Variants in CFAP54 observed in about 807,000 individuals in gnomAD.
CFAP54 encodes the protein cilia- and flagella-associated protein 54.
Under a neutral mutation model 370.4 loss-of-function variants are expected in CFAP54, and 290 were observed. The observed-to-expected ratio is 0.78, with a 90% CI of 0.71 to 0.86. The LOEUF (loss-of-function observed/expected upper bound fraction) is 0.86. CFAP54 is among the 40% of genes least tolerant of loss of function. The pLI, the probability that CFAP54 is intolerant of heterozygous loss-of-function variation, is 0.00. For synonymous variants in CFAP54, 1,206 were observed against 1,236.5 expected, an observed-to-expected ratio of 0.98 and a Z score of 0.52; for missense variants, 3,399 against 3,528.7, an observed-to-expected ratio of 0.96 and a Z score of 0.93.
intron 66 of CFAP54, among the ~76,000 whole-genome samples, chr12:96,855,561 A>C (rs1057246869): frequency 2.0e-5 from 3 of 152,232 alleles, no homozygotes; most frequent in Non-Finnish European, 2.9e-5. Flanking sequence ...GCCCCATGCA[A>C]GTCCAAAATC....
intron 8 of CFAP54, among the ~76,000 whole-genome samples, chr12:96,523,376 ACT>A (rs1260945305): frequency 6.6e-6 from 1 of 152,076 alleles, no homozygotes; most frequent in East Asian, 1.9e-4. Flanking sequence ...AATCACTGCT[ACT>A]CTCTTTCCTC....
At chr12:96,812,545 A>C (rs1958938098) in intron 64 of CFAP54, among the ~76,000 whole-genome samples, 1 of 152,188 alleles carries the variant, frequency 6.6e-6, no homozygotes, top group South Asian at 2.1e-4. Context: ...TGTAGGATGG[A>C]AATGATCATA....
chr12:96,862,371 G>T (rs1196765019), intron 67 of CFAP54, among the ~76,000 whole-genome samples: 2 of 152,162 alleles, frequency 1.3e-5, no homozygotes, highest in Non-Finnish European at 2.9e-5. Flanking sequence ...CCTGGAGTGT[G>T]CACAGTCATG....
At chr12:96,728,792 C>T (rs1957877571) in intron 50 of CFAP54, among the ~76,000 whole-genome samples, 1 of 152,064 alleles carries the variant, frequency 6.6e-6, no homozygotes, top group South Asian at 2.1e-4. Flanking sequence ...TCTGTTTTTT[C>T]CCCATCTTTA....
At chr12:96,583,813 C>T (rs1329069000) in intron 22 of CFAP54, among the ~76,000 whole-genome samples, 2 of 152,180 alleles carry the variant, frequency 1.3e-5, no homozygotes, top group African/African-American at 4.8e-5. Flanking sequence ...TGTGCCAAGT[C>T]TCCTAGAGCC....
At chr12:96,670,525 A>G (rs1174669188) in intron 39 of CFAP54, among the ~76,000 whole-genome samples, 1 of 152,220 alleles carries the variant, frequency 6.6e-6, no homozygotes, top group Non-Finnish European at 1.5e-5. Flanking sequence ...CCTAACTTCA[A>G]AAGGGGTAGA....
rs1435435419 is a variant in CFAP54, at chr12:96,753,881, A to T, written c.7823A>T (p.Glu2608Val). 6.2e-7 allele frequency: 1 copy of T among 1,613,788 alleles called. No individual in the cohort carries two copies. Among genetic ancestry groups the T allele is most frequent in the South Asian group, 1.1e-5 (1 of 91,018 alleles). ...TAVEEHEVEA[E>V]ILFQKGKIER... ...GTGGAGGAACATGAGGTGGAAGCTG[A>T]AATCCTTTTTCAGAAAGGTAAAATG... Residue 2608 changes from glutamate (E) to valine (V), a missense_variant, in exon 56 of 68, where the codon GAA becomes GTA. This residue lies in a region of CFAP54 where 2,796 missense variants were observed against 2,869.7 expected (regional missense o/e 0.97). Coordinates refer to ENST00000524981, the MANE Select transcript of CFAP54 (RefSeq NM_001306084.2).
intron 60 of CFAP54, among the ~76,000 whole-genome samples, chr12:96,782,920 T>A (rs1565976618): frequency 6.6e-6 from 1 of 152,166 alleles, no homozygotes; most frequent in Non-Finnish European, 1.5e-5. Context: ...AGAAATCACA[T>A]GTCCATCAAT....
intron 67 of CFAP54, among the ~76,000 whole-genome samples, chr12:96,862,527 G>A (rs1318158838): frequency 6.6e-6 from 1 of 152,046 alleles, no homozygotes; most frequent in African/African-American, 2.4e-5. Flanking sequence ...AAGAATGAAA[G>A]GAATGAGTGG....
chr12:96,632,145 G>T (rs1409224405), intron 32 of CFAP54, among the ~76,000 whole-genome samples: 1 of 151,834 alleles, frequency 6.6e-6, no homozygotes, highest in African/African-American at 2.4e-5. Flanking sequence ...CCAGTCTCAG[G>T]ACTGCTTGTT....
chr12:96,527,335 T>C lies in CFAP54; in HGVS notation c.1248T>C (p.Leu416=). The C allele has an allele frequency of 6.5e-7, 1 of 1,536,024 alleles. No individual in the cohort carries two copies. The highest frequency in any genetic ancestry group is 8.7e-7 in the Non-Finnish European group (1 of 1,146,782). The change falls in exon 9 of 68, where the codon CTT becomes CTC. Residue 416 remains leucine, a synonymous_variant. Transcript: ENST00000524981. ...ASQFLAVLEA[L]SDSNRRILQT... is the part of the protein sequence containing the mutation. ...AGTTTCTGGCTGTCTTGGAAGCTCT[T>C]TCTGATTCAAATAGGCGAATACTGC...
intron 28 of CFAP54, among the ~76,000 whole-genome samples, chr12:96,624,441 G>A (rs1330110038): frequency 6.6e-6 from 1 of 152,226 alleles, no homozygotes; most frequent in Admixed American, 6.5e-5. Context: ...TTTCAGAGTA[G>A]AAAGCAGAGT....
At chr12:96,598,992 A>T (rs1415773993) in intron 26 of CFAP54, among the ~76,000 whole-genome samples, 2 of 151,884 alleles carry the variant, frequency 1.3e-5, no homozygotes, top group Non-Finnish European at 2.9e-5. Context: ...TTATTGAAAT[A>T]GCATTAGTAT....
intron 32 of CFAP54, among the ~76,000 whole-genome samples, chr12:96,638,875 C>T (rs531370552): frequency 3.3e-5 from 5 of 152,264 alleles, no homozygotes; most frequent in South Asian, 2.1e-4. Context: ...TCATAGGGAA[C>T]GCTTTCACGT....
rs913858107 is a variant in CFAP54 at position 96,554,245 on chromosome 12, A to C, written c.2218A>C (p.Asn740His). ...KLLDRAIGGI[N>H]LNCMLTSLPN... ...TCTTGACAGAGCAATCGGTGGAATA[A>C]ATTTGAATTGCATGTTAACCTCTTT... Residue 740 changes from asparagine to histidine, a missense_variant, in exon 16 of 68, where the codon AAT (asparagine) becomes CAT (histidine). Physicochemically the swap from Asn to His is moderately conservative, Grantham distance 68 (BLOSUM62 1). Transcript: ENST00000524981. 5 of 1,528,352 alleles carry C rather than the reference A, an allele frequency of 3.3e-6. No homozygotes were observed. The highest frequency in any genetic ancestry group is 4.4e-6 in the Non-Finnish European group (5 of 1,143,214). The allele number at this position is 1,528,352 out of a possible 1,614,324, so 94.7% of individuals were successfully genotyped here.
intron 43 of CFAP54, 89 bp downstream of exon 43, chr12:96,689,071 C>G (rs1200112777): frequency 1.4e-6 from 1 of 694,832 alleles, no homozygotes; most frequent in Non-Finnish European, 2.3e-6. Flanking sequence ...AGAAAACTCA[C>G]AGGTAGCAAA....
intron 66 of CFAP54, among the ~76,000 whole-genome samples, chr12:96,847,923 G>A (rs1054424441): frequency 2.6e-5 from 4 of 152,164 alleles, no homozygotes; most frequent in Non-Finnish European, 4.4e-5. Flanking sequence ...TGGTAGTGAT[G>A]GTGATGGTGA....
chr12:96,865,641 A>G (rs1959981944), intron 67 of CFAP54, among the ~76,000 whole-genome samples: 1 of 152,224 alleles, frequency 6.6e-6, no homozygotes, highest in Non-Finnish European at 1.5e-5. Flanking sequence ...ATTAGTCTCT[A>G]CTTCTTTTGC....
chr12:96,719,427 T>A (rs1041546958), intron 49 of CFAP54, among the ~76,000 whole-genome samples: 3 of 152,228 alleles, frequency 2.0e-5, no homozygotes, highest in African/African-American at 4.8e-5. Flanking sequence ...TTGGTCCCTT[T>A]ATCTTCTGCC....
Sources: gnomAD v4.1 joint callset for allele counts (sites outside exome capture counted in the v4.1 genomes callset) on GRCh38, gnomAD v4.1.1 for gene constraint, gnomAD v4.1.1 regional missense constraint, MANE v1.5 for transcripts, NCBI Gene and HGNC (gene_info 2026-07-23, HGNC 2026-07-21) for gene names.